Variants in SLC19A1 observed in about 807,000 individuals in gnomAD.
The protein encoded by SLC19A1 is reduced folate transporter.
A neutral mutation model predicts 35.3 loss-of-function variants in SLC19A1; 37 were observed. The observed-to-expected ratio is 1.05, with a 90% CI of 0.81 to 1.38. The LOEUF (loss-of-function observed/expected upper bound fraction) is 1.38. Ranked by LOEUF, SLC19A1 falls within the 40% of genes most tolerant of loss-of-function variation. SLC19A1 has a pLI of 0.00. For missense variants in SLC19A1, 831 were observed against 826.9 expected (o/e 1.00, Z -0.06); for synonymous variants, 460 against 398.5 (o/e 1.15, Z -1.84).
chr21:45,554,886 C>T (rs925465793), intron 1 of SLC19A1, among the ~76,000 whole-genome samples: 1 of 151,880 alleles, frequency 6.6e-6, no homozygotes, highest in African/African-American at 2.4e-5. Flanking sequence ...GCCCTGTTCC[C>T]GGCTTCAGTG....
intron 5 of SLC19A1, among the ~76,000 whole-genome samples, chr21:45,516,990 C>A (rs1216424582): frequency 6.6e-6 from 1 of 152,208 alleles, no homozygotes; most frequent in Non-Finnish European, 1.5e-5. Context: ...CTGAGATAAA[C>A]ACCTGGGAAG....
intron 1 of SLC19A1, among the ~76,000 whole-genome samples, chr21:45,556,146 G>C (rs1228786078): frequency 6.6e-6 from 1 of 152,234 alleles, no homozygotes; most frequent in East Asian, 1.9e-4. Flanking sequence ...CCACAAGGAC[G>C]CTCCCGTTCC....
intron 4 of SLC19A1, among the ~76,000 whole-genome samples, chr21:45,529,842 G>A (rs1355928971): frequency 6.7e-6 from 1 of 149,300 alleles, no homozygotes; most frequent in Non-Finnish European, 1.5e-5. Context: ...TGTCTGTGTG[G>A]TGTGTGTCCA....
At chr21:45,503,449 C>A (rs753297710) in intron 3 of SLC19A1, among the ~76,000 whole-genome samples, 4 of 151,902 alleles carry the variant, frequency 2.6e-5, no homozygotes, top group African/African-American at 9.7e-5. Flanking sequence ...TGGAATACTA[C>A]GCAGCCATAA....
intron 1 of SLC19A1, among the ~76,000 whole-genome samples, chr21:45,551,967 C>T (rs1362968531): frequency 5.3e-5 from 8 of 152,170 alleles, no homozygotes; most frequent in Non-Finnish European, 1.0e-4. Context: ...CGTGTTCTGC[C>T]GCCACGCTGG....
Position 45,515,951 on chromosome 21 carries a change from G to A in SLC19A1, c.1483C>T (p.Gln495Ter), listed in dbSNP as rs1431912386. Residue 495 changes from glutamine (Q) to a stop codon, truncating the protein, a stop_gained, in exon 6 of 6, where the codon CAG becomes TAG. Coordinates refer to ENST00000311124, the MANE Select transcript of SLC19A1 (RefSeq NM_194255.4). LOFTEE classifies it low-confidence loss of function (END_TRUNC). ...GAAAGCGGCGGGCTCTGGGCTGGCT[G>A]CAGGCCTCCGAGGCCCTTGTCCTGC... ...SVQDKGLGGL[Q>*]PAQSPPLSPE... is the part of the protein sequence containing the mutation. 3.3e-6 allele frequency: 5 copies of A among 1,537,296 alleles called. No individual in the cohort carries two copies. The highest frequency in any genetic ancestry group is 2.1e-5 in the Admixed American group (1 of 48,274).
Position 45,517,421 on chromosome 21 carries a change from A to C in SLC19A1, c.1294-1281T>G, listed in dbSNP as rs2038016158. Among the ~76,000 whole-genome samples the C allele has an allele frequency of 6.6e-6, 1 of 151,784 alleles. No homozygotes were observed. Among genetic ancestry groups the C allele is most frequent in the African/African-American group, 2.4e-5 (1 of 41,298 alleles). On this transcript the variant is annotated intron_variant, in intron 5 of 5. Coordinates refer to ENST00000311124, the MANE Select transcript of SLC19A1 (RefSeq NM_194255.4). This position sits in a 1 kb window ranked among gnomAD's most constrained non-coding sequence, Gnocchi z 4.4. ...AGTCCCCTGCGGGGTGGTGTCAGACAACACCAGTGGGCACTAGAGCTTTCA... is the reference window on the plus strand; with the variant it reads ...AGTCCCCTGCGGGGTGGTGTCAGACCACACCAGTGGGCACTAGAGCTTTCA...
rs1428274110 is a variant in SLC19A1, at chr21:45,555,225, G to A, written c.-50+7517C>T. On this transcript the variant is annotated intron_variant, in intron 1 of 5. Transcript: ENST00000650808. The stretch of plus-strand genomic sequence containing the variant: ...GGCGCAGGGGGCGGTGGGGGGCGCC[G>A]GGGGGCGGCGCAGGGGGCGGCGCAG... Among the ~76,000 whole-genome samples the A allele has an allele frequency of 2.5e-4, 4 of 16,132 alleles. 1 individual carries two copies. Among genetic ancestry groups the A allele is most frequent in the East Asian group, 3.3e-3 (1 of 306 alleles). 10.6% of individuals were successfully genotyped at this position (16,132 alleles called of 152,430 possible).
In SLC19A1 at chr21:45,531,543, C is replaced by T. The variant is rs771043489; in HGVS notation, c.795G>A (p.Pro265=). The change falls in exon 3 of 6, where the codon CCG becomes CCA. Residue 265 remains proline, a synonymous_variant. Coordinates refer to ENST00000311124, the MANE Select transcript of SLC19A1 (RefSeq NM_194255.4). ...LRELGDSLRR[P]QLRLWSLWWV... is the part of the protein sequence containing the mutation. Reference sequence around the variant, plus strand: ...ACCAGAGGGACCACAGGCGCAGCTGCGGCCGCCGCAGGCTGTCCCCCAGCT... The same window carrying T: ...ACCAGAGGGACCACAGGCGCAGCTGTGGCCGCCGCAGGCTGTCCCCCAGCT... 4.8e-5 allele frequency: 77 copies of T among 1,612,096 alleles called. No homozygotes were observed. Among genetic ancestry groups the T allele is most frequent in the African/African-American group, 1.2e-4 (9 of 74,884 alleles).
chr21:45,517,648 GCCTGT>G lies in SLC19A1; in HGVS notation c.1294-1513_1294-1509del, dbSNP rs142342863. Among the ~76,000 whole-genome samples the G allele has an allele frequency of 0.51, 76,627 of 151,446 alleles. 20,121 individuals are homozygous for G. The highest frequency in any genetic ancestry group is 0.66 in the African/African-American group (27,150 of 41,194). ...TATCCTCACCCAGTAGTAAGAGCGT[GCCTGT>G]CCTGTCCCCCTCCATGCTGGGGGGT... On this transcript the variant is annotated intron_variant, in intron 5 of 5. Transcript: ENST00000311124. This position sits in a 1 kb window ranked among gnomAD's most constrained non-coding sequence, Gnocchi z 4.4.
intron 1 of SLC19A1, among the ~76,000 whole-genome samples, chr21:45,556,131 C>T (rs987588080): frequency 6.6e-6 from 1 of 152,224 alleles, no homozygotes; most frequent in African/African-American, 2.4e-5. Context: ...AGGGTCCCCT[C>T]CTGGCCACAA....
chr21:45,554,835 T>C (rs796662217), intron 1 of SLC19A1, among the ~76,000 whole-genome samples: 8 of 151,888 alleles, frequency 5.3e-5, no homozygotes, highest in South Asian at 2.1e-4. Flanking sequence ...TCCCATCTTA[T>C]TTGCTTTTAA....
rs1402871655 is a variant in SLC19A1, at chr21:45,531,787, G to A, written c.551C>T (p.Thr184Met). The A allele has an allele frequency of 5.0e-6, 8 of 1,602,066 alleles. No individual in the cohort carries two copies. In the Admixed American group the frequency reaches 5.2e-5, roughly 10 times the overall value. The change falls in exon 3 of 6, where the codon ACG (threonine) becomes ATG (methionine). Residue 184 changes from threonine to methionine, a missense_variant. Thr to Met is a moderately conservative substitution (Grantham distance 81). Transcript: ENST00000311124. ...GAAGGCCAGCGAGATGTAGTTGAGC[G>A]TGGAGAAGGAGACTCGGCCCACAGT... ...LVTVGRVSFS[T>M]LNYISLAFLT...
In SLC19A1 at chr21:45,534,825, G is replaced by A. The variant is rs1178210675; in HGVS notation, c.190-2677C>T. 7.0e-6 allele frequency: 4 copies of A among 573,004 alleles called. No individual in the cohort carries two copies. In the East Asian group the frequency reaches 8.9e-5, roughly 13 times the overall value. The allele number at this position is 573,004 out of a possible 1,614,324, so 35.5% of individuals were successfully genotyped here. On this transcript the variant is annotated intron_variant, in intron 2 of 5. Transcript: ENST00000311124. The surrounding 1 kb of genome is among the most constrained non-coding windows in gnomAD (Gnocchi z 4.2). ...GGGGCCCTCACAACGGTCCCAGCAGGGAGGTGGCATCTGTCAGGCGGCCAC... is the reference window on the plus strand; with the variant it reads ...GGGGCCCTCACAACGGTCCCAGCAGAGAGGTGGCATCTGTCAGGCGGCCAC...
rs117415647 is a variant in SLC19A1 at position 45,504,315 on chromosome 21, C to T, written c.498-5703G>A. ...GCCAGCAGCTCCCAGGCCTGGGCTC[C>T]GGAAGCTTCTGACTGCCCAGCCCTG... On this transcript the variant is annotated intron_variant, in intron 3 of 4. Transcript: ENST00000417954. 687 of 1,243,376 alleles carry T rather than the reference C, an allele frequency of 5.5e-4. 5 individuals are homozygous for T. The East Asian group carries it at 9.4e-3, about 17-fold the overall frequency. 77.0% of individuals were successfully genotyped at this position (1,243,376 alleles called of 1,614,324 possible). A position where few individuals can be genotyped will look rare whatever the true frequency, so the allele number is the denominator to read the frequency against.
At chr21:45,561,949 G>A (rs1191831582) in intron 1 of SLC19A1, among the ~76,000 whole-genome samples, 1 of 151,608 alleles carries the variant, frequency 6.6e-6, no homozygotes, top group Non-Finnish European at 1.5e-5. Context: ...TGGCCAACAT[G>A]GTGAAACCCT....
At chr21:45,536,464 G>C (rs2078115156) in intron 2 of SLC19A1, 1 of 152,442 alleles carries the variant, frequency 6.6e-6, no homozygotes, top group African/African-American at 2.4e-5. Flanking sequence ...CAAGGAGATG[G>C]CTCCGCCGCT....
chr21:45,537,159 G>C (rs774931767), intron 2 of SLC19A1, among the ~76,000 whole-genome samples: 2 of 152,184 alleles, frequency 1.3e-5, no homozygotes, highest in Non-Finnish European at 2.9e-5. Flanking sequence ...CGATGAGCAC[G>C]GCCTGGCGGG....
intron 3 of SLC19A1, chr21:45,506,158 T>G: frequency 1.3e-6 from 1 of 792,004 alleles, no homozygotes; most frequent in Non-Finnish European, 2.0e-6. Context: ...TAAAGAAAAG[T>G]GAGCTCAAGC....
Sources: gnomAD v4.1 joint callset for allele counts (sites outside exome capture counted in the v4.1 genomes callset) on GRCh38, gnomAD v4.1.1 for gene constraint, Gnocchi (gnomAD v3.1) non-coding constraint, MANE v1.5 for transcripts, NCBI Gene and HGNC (gene_info 2026-07-23, HGNC 2026-07-21) for gene names.